Variants in RPP21 observed in about 807,000 individuals in gnomAD.
RPP21 encodes the protein ribonuclease P subunit p21.
In RPP21, 21 loss-of-function variants were observed where a neutral mutation model predicts 19.0. The observed-to-expected ratio is 1.11, with a 90% CI of 0.78 to 1.59. The LOEUF (loss-of-function observed/expected upper bound fraction) is 1.59, where lower values mean the gene tolerates loss of function less well. RPP21 is among the 40% of genes most tolerant of loss of function. The pLI is 0.00. For missense variants in RPP21, 215 were observed against 200.2 expected, an observed-to-expected ratio of 1.07 and a Z score of -0.45; for synonymous variants, 93 against 78.7, an observed-to-expected ratio of 1.18 and a Z score of -0.96.
Position 30,346,440 on chromosome 6 carries a change from G to T in RPP21, c.250G>T (p.Gly84Ter). 6.2e-7 allele frequency: 1 copy of T among 1,613,912 alleles called. No homozygotes were observed. The highest frequency in any genetic ancestry group is 8.5e-7 in the Non-Finnish European group (1 of 1,179,892). The change falls in exon 4 of 5, where the codon GGA becomes TGA. Residue 84 changes from glycine (G) to a stop codon, truncating the protein, a stop_gained. Coordinates refer to ENST00000442966, the MANE Select transcript of RPP21 (RefSeq NM_024839.4). LOFTEE classifies it high-confidence loss of function. The surrounding 1 kb of genome is among the most constrained non-coding windows in gnomAD (Gnocchi z 4.7). ...TCCCATGTTCACCCTAGGCTGCAGG[G>T]GACAGCGCTGGACCGTACAGACCTG... ...TCTQRQRRCR[G>*]QRWTVQTCLT...
chr6:30,345,772 C>T, intron 3 of RPP21, 199 bp downstream of exon 3: 2 of 515,638 alleles, frequency 3.9e-6, no homozygotes, highest in Non-Finnish European at 3.1e-6. Context: ...TTGGGCTCGG[C>T]TGTTTTTTTT....
rs753641041 is a variant in RPP21, at chr6:30,346,472, A to G, written c.282A>G (p.Thr94=). 1.9e-6 allele frequency: 3 copies of G among 1,614,100 alleles called. No homozygotes were observed. The South Asian group carries it at 3.3e-5, about 18-fold the overall frequency. The change falls in exon 4 of 5, where the codon ACA becomes ACG. Residue 94 remains threonine (T), a synonymous_variant. Transcript: ENST00000442966. This position sits in a 1 kb window ranked among gnomAD's most constrained non-coding sequence, Gnocchi z 4.7. ...GCTGGACCGTACAGACCTGCCTAAC[A>G]TGCCAGCGCAGCCAACGCTTCCTCA... ...GQRWTVQTCL[T]CQRSQRFLND...
rs1280644313 is a variant in RPP21, at chr6:30,346,731, C to T, written c.386C>T (p.Pro129Leu). The change falls in exon 5 of 5, where the codon CCC (proline) becomes CTC (leucine). Residue 129 changes from proline to leucine, a missense_variant. Physicochemically the swap from Pro to Leu is moderately conservative, Grantham distance 98. Coordinates refer to ENST00000442966, the MANE Select transcript of RPP21 (RefSeq NM_024839.4). This position sits in a 1 kb window ranked among gnomAD's most constrained non-coding sequence, Gnocchi z 4.7. ...TACTCAGATTCCAAACCACTACAAC[C>T]CTTGCCAAACACAGCCCACTCCATT... ...GSQADSKPLQ[P>L]LPNTAHSISD... 6 of 1,613,302 alleles carry T rather than the reference C, an allele frequency of 3.7e-6. No individual in the cohort carries two copies. Among genetic ancestry groups the T allele is most frequent in the Non-Finnish European group, 5.1e-6 (6 of 1,180,028 alleles).
rs755999217 is a variant in RPP21 at position 30,345,576 on chromosome 6, G to C, written c.241+3G>C. 6.5e-7 allele frequency: 1 copy of C among 1,530,748 alleles called. No homozygotes were observed. The highest frequency in any genetic ancestry group is 1.4e-5 in the African/African-American group (1 of 72,248). The allele number at this position is 1,530,748 out of a possible 1,614,324, so 94.8% of individuals were successfully genotyped here. A position where few individuals can be genotyped will look rare whatever the true frequency, so the allele number is the denominator to read the frequency against. On this transcript the variant is annotated splice_donor_region_variant and intron_variant, in intron 3 of 4. Transcript: ENST00000442966. ...CACCTGCACCCAGCGCCAGAGACGT[G>C]AGTGCTCCAACGGAGGTGGAAGACT...
Position 30,345,367 on chromosome 6 carries a change from A to G in RPP21, c.127A>G (p.Arg43Gly). 1 of 1,613,012 alleles carries G rather than the reference A, an allele frequency of 6.2e-7. No homozygotes were observed. The highest frequency in any genetic ancestry group is 8.5e-7 in the Non-Finnish European group (1 of 1,179,850). ...ALARFYCYTE[R>G]TIAKRLVLRR... is the part of the protein sequence containing the mutation. ...GGCGAGGTTTTACTGCTACACTGAG[A>G]GGACCATTGCGAAGCGGCTCGTCTT... Residue 43 changes from arginine to glycine, a missense_variant, in exon 2 of 5, where the codon AGG becomes GGG. Coordinates refer to ENST00000442966, the MANE Select transcript of RPP21 (RefSeq NM_024839.4).
chr6:30,345,681 G>T (rs1788085335), intron 3 of RPP21, 108 bp downstream of exon 3: 9 of 1,256,330 alleles, frequency 7.2e-6, no homozygotes, highest in Non-Finnish European at 9.6e-6. Context: ...ACTGTAGATG[G>T]ATGTTGGGTG....
At chr6:30,345,265 C>T (rs866177010) in intron 1 of RPP21, 33 bp from the exon 2 acceptor site, 5 of 1,613,240 alleles carry the variant, frequency 3.1e-6, no homozygotes, top group Non-Finnish European at 3.4e-6. Flanking sequence ...GGACGGTGCT[C>T]GGCGTCCCAG....
intron 3 of RPP21, chr6:30,345,863 T>A (rs1037180610): frequency 4.0e-5 from 17 of 425,202 alleles, no homozygotes; most frequent in Non-Finnish European, 7.1e-5. Context: ...GTTGTTCGGC[T>A]TTGTGGAGGA....
chr6:30,346,546 G>C lies in RPP21; in HGVS notation c.356G>C (p.Gly119Ala). The change falls in exon 4 of 5, where the codon GGG (glycine) becomes GCG (alanine). Residue 119 changes from glycine to alanine, a missense_variant. Physicochemically the swap from Gly to Ala is moderately conservative, Grantham distance 60. Coordinates refer to ENST00000442966, the MANE Select transcript of RPP21 (RefSeq NM_024839.4). This position sits in a 1 kb window ranked among gnomAD's most constrained non-coding sequence, Gnocchi z 4.7. ...GGAGACAGGCCTGAGGCCCAGCTCG[G>C]GAGCCAAGCAGGTGAGAGGTGAGGG... ...LWGDRPEAQLGSQADSKPLQP... is the reference protein window; with the variant it reads ...LWGDRPEAQLASQADSKPLQP... The C allele has an allele frequency of 6.2e-7, 1 of 1,614,102 alleles. No individual in the cohort carries two copies.
In RPP21 at chr6:30,345,178, G is replaced by C; in HGVS notation, c.7G>C (p.Gly3Arg). 1.3e-6 allele frequency: 2 copies of C among 1,563,314 alleles called. No individual in the cohort carries two copies. Among genetic ancestry groups the C allele is most frequent in the Non-Finnish European group, 1.7e-6 (2 of 1,155,390 alleles). Residue 3 changes from glycine (G) to arginine (R), a missense_variant, in exon 1 of 5, where the codon GGG becomes CGG. Gly to Arg is a moderately radical substitution (Grantham distance 125). Coordinates refer to ENST00000442966, the MANE Select transcript of RPP21 (RefSeq NM_024839.4). ...GCCCTGGAGCGCGGCGGTGATGGCG[G>C]GGCCGGTGAAGGACCGCGAGGCCTT... MA[G>R]PVKDREAFQR...
chr6:30,345,437 G>C lies in RPP21; in HGVS notation c.158+39G>C, dbSNP rs761542101. On this transcript the variant is annotated intron_variant, in intron 2 of 4. Transcript: ENST00000442966. ...GGGGCGGGCGGCGGGCGGGACGCGG[G>C]AGGAACGCGAGAGGGAGCGCGGGCG... 8.1e-5 allele frequency: 130 copies of C among 1,611,344 alleles called. 1 individual carries two copies. The South Asian group carries it at 1.4e-3, about 17-fold the overall frequency.
chr6:30,346,845 G>A lies in RPP21; in HGVS notation c.*35G>A, dbSNP rs1788212434. The A allele has an allele frequency of 6.2e-7, 1 of 1,608,934 alleles. No homozygotes were observed. Among genetic ancestry groups the A allele is most frequent in the Non-Finnish European group, 8.5e-7 (1 of 1,176,554 alleles). ...CCCATCTCCCAAATAAAGTTTACTTGTTTTACATTCCATGATTCTGTTCTG... is the reference window on the plus strand; with the variant it reads ...CCCATCTCCCAAATAAAGTTTACTTATTTTACATTCCATGATTCTGTTCTG... On this transcript the variant is annotated 3_prime_UTR_variant, in exon 5 of 5. Transcript: ENST00000442966. The surrounding 1 kb of genome is among the most constrained non-coding windows in gnomAD (Gnocchi z 4.7).
chr6:30,345,483 GC>G lies in RPP21; in HGVS notation c.159-3del. 6.2e-7 allele frequency: 1 copy of G among 1,609,614 alleles called. No homozygotes were observed. Among genetic ancestry groups the G allele is most frequent in the Non-Finnish European group, 8.5e-7 (1 of 1,178,198 alleles). On this transcript the variant is annotated splice_polypyrimidine_tract_variant and splice_region_variant and intron_variant, in intron 2 of 4. Coordinates refer to ENST00000442966, the MANE Select transcript of RPP21 (RefSeq NM_024839.4). ...GGGCGCCAGACCACTATCCTCCTCC[GC>G]CCCCAGGGATCCCTCGGTGAAGAGG...
At position 30,346,280 on chromosome 6, in the gene RPP21, T is replaced by A; in HGVS notation, c.242-152T>A. The A allele has an allele frequency of 7.6e-7, 1 of 1,322,320 alleles. No individual in the cohort carries two copies. The highest frequency in any genetic ancestry group is 1.5e-5 in the South Asian group (1 of 65,414). The allele number at this position is 1,322,320 out of a possible 1,614,324, so 81.9% of individuals were successfully genotyped here. A position where few individuals can be genotyped will look rare whatever the true frequency, so the allele number is the denominator to read the frequency against. On this transcript the variant is annotated intron_variant, in intron 3 of 4. Coordinates refer to ENST00000442966, the MANE Select transcript of RPP21 (RefSeq NM_024839.4). This position sits in a 1 kb window ranked among gnomAD's most constrained non-coding sequence, Gnocchi z 4.7. ...AAGAGTTCCAGGAAATCGATGGAGC[T>A]TATGCCGAGGCCTGACACCATCAAA... is the stretch of plus-strand genomic sequence containing the variant.
In RPP21 at chr6:30,345,505, A is replaced by G; in HGVS notation, c.173A>G (p.Lys58Arg). ...RLVLRRDPSV[K>R]RTLCRGCSSL... ...TCCGCCCCCAGGGATCCCTCGGTGA[A>G]GAGGACTCTCTGTCGAGGCTGCTCT... The change falls in exon 3 of 5, where the codon AAG becomes AGG. Residue 58 changes from lysine to arginine, a missense_variant. By Grantham distance (26) the Lys-to-Arg change is conservative. Coordinates refer to ENST00000442966, the MANE Select transcript of RPP21 (RefSeq NM_024839.4). The G allele has an allele frequency of 2.5e-6, 4 of 1,605,408 alleles. No individual in the cohort carries two copies. The highest frequency in any genetic ancestry group is 3.4e-6 in the Non-Finnish European group (4 of 1,175,872).
At chr6:30,345,622 A>T (rs1268117713) in intron 3 of RPP21, 49 bp downstream of exon 3, 80 of 173,782 alleles carry the variant, frequency 4.6e-4, no homozygotes, top group East Asian at 7.4e-4. Context: ...GGGGGCGCGG[A>T]GGGGGGCGGG....
intron 3 of RPP21, chr6:30,345,946 A>G (rs1392046127): frequency 1.9e-5 from 5 of 256,778 alleles, no homozygotes; most frequent in Non-Finnish European, 3.7e-5. Context: ...TGCTAGATTC[A>G]TTATTCTCAT....
In RPP21 at chr6:30,345,510, A is replaced by C; in HGVS notation, c.178A>C (p.Thr60Pro). 1.9e-6 allele frequency: 3 copies of C among 1,602,388 alleles called. No homozygotes were observed. The highest frequency in any genetic ancestry group is 2.6e-6 in the Non-Finnish European group (3 of 1,174,628). ...VLRRDPSVKR[T>P]LCRGCSSLLV... is the part of the protein sequence containing the mutation. Reference sequence around the variant, plus strand: ...CCCCAGGGATCCCTCGGTGAAGAGGACTCTCTGTCGAGGCTGCTCTTCCCT... The same window carrying C: ...CCCCAGGGATCCCTCGGTGAAGAGGCCTCTCTGTCGAGGCTGCTCTTCCCT... The change falls in exon 3 of 5, where the codon ACT (threonine) becomes CCT (proline). Residue 60 changes from threonine (T) to proline (P), a missense_variant. Thr to Pro is a conservative substitution (Grantham distance 38). Transcript: ENST00000442966.
chr6:30,346,826 T>C lies in RPP21; in HGVS notation c.*16T>C. The C allele has an allele frequency of 6.2e-7, 1 of 1,612,656 alleles. No homozygotes were observed. Among genetic ancestry groups the C allele is most frequent in the Non-Finnish European group, 8.5e-7 (1 of 1,179,674 alleles). On this transcript the variant is annotated 3_prime_UTR_variant, in exon 5 of 5. Coordinates refer to ENST00000442966, the MANE Select transcript of RPP21 (RefSeq NM_024839.4). This position sits in a 1 kb window ranked among gnomAD's most constrained non-coding sequence, Gnocchi z 4.7. The stretch of plus-strand genomic sequence containing the variant: ...TAACCAGTGATGGATTCACCCCATC[T>C]CCCAAATAAAGTTTACTTGTTTTAC...
Sources: allele counts gnomAD v4.1 joint callset, GRCh38; gene constraint gnomAD v4.1.1; non-coding constraint Gnocchi (gnomAD v3.1); transcripts MANE v1.5; gene names NCBI Gene and HGNC (gene_info 2026-07-23, HGNC 2026-07-21).